KCNH1: variants seen among roughly 807,000 people sequenced by gnomAD.
KCNH1 encodes the protein potassium voltage-gated channel subfamily H member 1.
KCNH1 carries 27 observed loss-of-function variants against 69.2 expected under a neutral mutation model. That is an observed-to-expected ratio of 0.39 (90% CI 0.29 to 0.54). The LOEUF (loss-of-function observed/expected upper bound fraction) is 0.54. Ranked by LOEUF, KCNH1 falls within the 20% of genes least tolerant of loss-of-function variation. The pLI is 0.68. For synonymous variants in KCNH1, 456 were observed against 487.7 expected (o/e 0.93, Z 0.86); for missense variants, 798 against 1,261.6 (o/e 0.63, Z 5.57).
rs560190280 is a variant in KCNH1 at position 210,919,461 on chromosome 1, AT to A, written c.1462+178del. The A allele has an allele frequency of 1.9e-5, 12 of 640,672 alleles. No individual in the cohort carries two copies. The highest frequency in any genetic ancestry group is 5.5e-5 in the African/African-American group (3 of 54,844). 39.7% of individuals were successfully genotyped at this position (640,672 alleles called of 1,614,324 possible). On this transcript the variant is annotated intron_variant, in intron 7 of 10. Transcript: ENST00000271751. This position sits in a 1 kb window ranked among gnomAD's most constrained non-coding sequence, Gnocchi z 4.2. ...CTTTGCACTCTTTTGTATTTTCTAA[AT>A]TTTTTTGCAGTAAGCATATACTGCT...
intron 5 of KCNH1, among the ~76,000 whole-genome samples, chr1:211,032,621 A>T (rs1558575730): frequency 6.6e-6 from 1 of 152,212 alleles, no homozygotes; most frequent in East Asian, 1.9e-4. Context: ...ATCTACAACT[A>T]TCTGATCTTT....
intron 8 of KCNH1, among the ~76,000 whole-genome samples, chr1:210,801,219 G>A (rs1258400141): frequency 6.6e-6 from 1 of 152,214 alleles, no homozygotes; most frequent in East Asian, 1.9e-4. Flanking sequence ...AGAGAGACAA[G>A]TGATATGCTC....
chr1:210,976,984 C>T (rs1228709373), intron 6 of KCNH1, among the ~76,000 whole-genome samples: 3 of 151,786 alleles, frequency 2.0e-5, no homozygotes, highest in Non-Finnish European at 2.9e-5. Context: ...ATAAAACATG[C>T]TCCTATAAAG....
chr1:210,950,166 G>A (rs992428439), intron 6 of KCNH1, among the ~76,000 whole-genome samples: 6 of 151,608 alleles, frequency 4.0e-5, no homozygotes, highest in Non-Finnish European at 7.4e-5. Context: ...GCAGGGGAGG[G>A]CAAGTGGGAA....
chr1:211,120,148 ATAGAT>A (rs1424024811), intron 1 of KCNH1, among the ~76,000 whole-genome samples: 3 of 152,110 alleles, frequency 2.0e-5, no homozygotes, highest in Non-Finnish European at 4.4e-5. Context: ...AAATGTTTCA[ATAGAT>A]TAATCAATCC....
At chr1:210,847,751 T>A (rs1685591977) in intron 7 of KCNH1, among the ~76,000 whole-genome samples, 1 of 148,540 alleles carries the variant, frequency 6.7e-6, no homozygotes. Flanking sequence ...TTTTAAAAAA[T>A]AAATAAATAA....
At chr1:211,052,705 T>A (rs1229076444) in intron 5 of KCNH1, among the ~76,000 whole-genome samples, 1 of 152,192 alleles carries the variant, frequency 6.6e-6, no homozygotes, top group Non-Finnish European at 1.5e-5. Context: ...CTTCCACCAG[T>A]GCTACTGGAT....
In KCNH1 at chr1:210,706,795, A is replaced by AT. The variant is rs758113700; in HGVS notation, c.2113-22658dup. Among the ~76,000 whole-genome samples, 56 of 152,242 alleles carry AT rather than the reference A, an allele frequency of 3.7e-4. 1 individual carries two copies. Among genetic ancestry groups the AT allele is most frequent in the Non-Finnish European group, 6.9e-4 (47 of 68,040 alleles). ...CACATCACCCCAGGTGGATGCTGTT[A>AT]TTTTCATTTTGCAGATGAGAAAACT... On this transcript the variant is annotated intron_variant, in intron 10 of 10. Coordinates refer to ENST00000271751, the MANE Select transcript of KCNH1 (RefSeq NM_172362.3).
intron 7 of KCNH1, among the ~76,000 whole-genome samples, chr1:210,877,600 T>G (rs547891278): frequency 2.2e-4 from 33 of 152,348 alleles, no homozygotes; most frequent in African/African-American, 7.7e-4. Flanking sequence ...TTCACTGCAC[T>G]ATTCCATACA....
chr1:210,684,264 C>T (rs1480808273), intron 10 of KCNH1, 126 bp from the exon 11 acceptor site: 4 of 1,006,378 alleles, frequency 4.0e-6, no homozygotes, highest in South Asian at 2.6e-5. Context: ...GAGGCTGGGG[C>T]TCACAGCCTA....
At chr1:210,951,416 T>C (rs1688059885) in intron 6 of KCNH1, among the ~76,000 whole-genome samples, 2 of 152,222 alleles carry the variant, frequency 1.3e-5, no homozygotes, top group South Asian at 4.1e-4. Flanking sequence ...TTTAGGAGCA[T>C]TTGAACCTGC....
intron 10 of KCNH1, among the ~76,000 whole-genome samples, chr1:210,731,272 C>T (rs1445952757): frequency 1.3e-5 from 2 of 152,154 alleles, no homozygotes; most frequent in Non-Finnish European, 2.9e-5. Context: ...AGCCCATATA[C>T]TTGGAGTTAA....
chr1:211,045,828 T>C (rs1690086882), intron 5 of KCNH1, among the ~76,000 whole-genome samples: 1 of 152,224 alleles, frequency 6.6e-6, no homozygotes, highest in Admixed American at 6.5e-5. Context: ...CTTTGACTAA[T>C]ATCTCCCTGT....
chr1:211,050,279 A>AAAAAAAAAAC, intron 5 of KCNH1, among the ~76,000 whole-genome samples: 1 of 123,428 alleles, frequency 8.1e-6, no homozygotes, highest in Non-Finnish European at 1.8e-5. Flanking sequence ...AAAAAAAAAA[A>AAAAAAAAAAC]AAAAAAAAAA....
At chr1:210,977,754 G>A (rs955807109) in intron 6 of KCNH1, among the ~76,000 whole-genome samples, 1 of 152,004 alleles carries the variant, frequency 6.6e-6, no homozygotes, top group Admixed American at 6.6e-5. Context: ...CTGAAAAAAT[G>A]TATTTTTTGC....
chr1:210,994,393 T>A (rs1396269093), intron 6 of KCNH1, among the ~76,000 whole-genome samples: 1 of 152,146 alleles, frequency 6.6e-6, no homozygotes, highest in Non-Finnish European at 1.5e-5. Flanking sequence ...TCAAATTGAG[T>A]TGAGTCATAA....
At chr1:211,018,626 T>C (rs1206345534) in intron 6 of KCNH1, among the ~76,000 whole-genome samples, 157 bp downstream of exon 6, 1 of 152,200 alleles carries the variant, frequency 6.6e-6, no homozygotes, top group African/African-American at 2.4e-5. Context: ...CGCCAAAGGA[T>C]GGGAACAGCA....
At chr1:211,065,536 G>C (rs1358665937) in intron 5 of KCNH1, among the ~76,000 whole-genome samples, 6 of 152,040 alleles carry the variant, frequency 3.9e-5, no homozygotes, top group Non-Finnish European at 8.8e-5. Context: ...CATTTAGATA[G>C]GAAGAATAAG....
intron 10 of KCNH1, among the ~76,000 whole-genome samples, chr1:210,739,147 T>TA (rs1431617723): frequency 6.6e-6 from 1 of 152,184 alleles, no homozygotes; most frequent in East Asian, 1.9e-4. Flanking sequence ...ACAATCTTAT[T>TA]AAAAATAATA....
Sources: allele counts gnomAD v4.1 joint callset (sites outside exome capture counted in the v4.1 genomes callset), GRCh38; gene constraint gnomAD v4.1.1; non-coding constraint Gnocchi (gnomAD v3.1); transcripts MANE v1.5; gene names NCBI Gene and HGNC (gene_info 2026-07-23, HGNC 2026-07-21).